Variants in TANC1 observed in about 807,000 individuals in gnomAD.
The protein encoded by TANC1 is protein TANC1.
TANC1 carries 77 observed loss-of-function variants against 149.7 expected under a neutral mutation model. The observed-to-expected ratio is 0.51, with a 90% CI of 0.43 to 0.62. The LOEUF is 0.62. Ranked by LOEUF, TANC1 falls within the 20% of genes least tolerant of loss-of-function variation. The probability of loss-of-function intolerance (pLI) is 0.00; values close to 1 mark genes in which losing one functional copy is unlikely to be tolerated. For synonymous variants in TANC1, 854 were observed against 925.0 expected (o/e 0.92, Z 1.39); for missense variants, 1,985 against 2,321.8 (o/e 0.85, Z 2.98).
Position 159,179,156 on chromosome 2 carries a change from G to A in TANC1, c.2503G>A (p.Glu835Lys). 1 of 1,609,734 alleles carries A rather than the reference G, an allele frequency of 6.2e-7. No homozygotes were observed. Among genetic ancestry groups the A allele is most frequent in the Non-Finnish European group, 8.5e-7 (1 of 1,177,500 alleles). The change falls in exon 14 of 27, where the codon GAG becomes AAG. Residue 835 changes from glutamate (E) to lysine (K), a missense_variant. By Grantham distance (56) the Glu-to-Lys change is moderately conservative (BLOSUM62 1). Coordinates refer to ENST00000263635, the MANE Select transcript of TANC1 (RefSeq NM_033394.3). ...CGGGGAAAACACGGCCTTCCTGTGT[G>A]AGCCCAGGTACGGCAGGCGCTTTCT... is the stretch of plus-strand genomic sequence containing the variant. ...ADGENTAFLC[E>K]PRNGHALLAF...
At position 159,096,279 on chromosome 2, in the gene TANC1, T is replaced by C. The variant is rs191178307; in HGVS notation, c.62-1358T>C. Among the ~76,000 whole-genome samples the C allele has an allele frequency of 1.8e-3, 263 of 146,822 alleles. 2 individuals are homozygous for C. Among genetic ancestry groups the C allele is most frequent in the African/African-American group, 6.3e-3 (248 of 39,650 alleles). ...GAGGAAAATGTGTTATCTGAATACA[T>C]GAGGACTGGCTGTATTTTTTTTTTT... On this transcript the variant is annotated intron_variant, in intron 3 of 26. Transcript: ENST00000263635.
chr2:159,135,303 A>G (rs2050552440), intron 4 of TANC1, among the ~76,000 whole-genome samples: 1 of 152,214 alleles, frequency 6.6e-6, no homozygotes, highest in Non-Finnish European at 1.5e-5. Flanking sequence ...CCAATAATCC[A>G]TTGTGTGGGC....
chr2:158,994,860 G>A (rs1470344341), intron 1 of TANC1, among the ~76,000 whole-genome samples: 1 of 152,198 alleles, frequency 6.6e-6, no homozygotes, highest in African/African-American at 2.4e-5. Flanking sequence ...AATAACTACT[G>A]TTTGGAGAAA....
intron 3 of TANC1, among the ~76,000 whole-genome samples, chr2:159,079,435 AAT>A (rs2044041627): frequency 7.1e-6 from 1 of 141,534 alleles, no homozygotes; most frequent in Non-Finnish European, 1.5e-5. Flanking sequence ...ATAGCTTATT[AAT>A]AGAGGTCAAA....
chr2:159,126,800 C>A (rs2049496987), intron 4 of TANC1, among the ~76,000 whole-genome samples: 1 of 152,240 alleles, frequency 6.6e-6, no homozygotes, highest in African/African-American at 2.4e-5. Context: ...TAGACTCTTG[C>A]CATCTTAACC....
At chr2:159,021,774 A>C (rs932420868) in intron 2 of TANC1, among the ~76,000 whole-genome samples, 4 of 152,234 alleles carry the variant, frequency 2.6e-5, no homozygotes, top group African/African-American at 9.6e-5. Flanking sequence ...TTTTTTTCTC[A>C]AACTTTCAGT....
At chr2:158,969,190 C>T (rs1372196645) in intron 1 of TANC1, among the ~76,000 whole-genome samples, 1 of 152,188 alleles carries the variant, frequency 6.6e-6, no homozygotes, top group Admixed American at 6.5e-5. Context: ...TCGGGCTTGG[C>T]AAGGGCCTGG....
Position 159,169,138 on chromosome 2 carries a change from A to C in TANC1, c.947-112A>C, listed in dbSNP as rs929029244. 2.5e-5 allele frequency: 18 copies of C among 727,830 alleles called. No homozygotes were observed. The African/African-American group carries it at 3.3e-4, about 13-fold the overall frequency. The allele number at this position is 727,830 out of a possible 1,614,324, so 45.1% of individuals were successfully genotyped here. ...ACAATATCAAAATGAAGTTTAAGTA[A>C]ATTTTGTTGAAAGCCTGAACTGAAT... On this transcript the variant is annotated intron_variant, in intron 8 of 26. Coordinates refer to ENST00000263635, the MANE Select transcript of TANC1 (RefSeq NM_033394.3).
chr2:159,117,686 G>A (rs1171766004), intron 4 of TANC1, among the ~76,000 whole-genome samples: 2 of 147,022 alleles, frequency 1.4e-5, no homozygotes, highest in Non-Finnish European at 3.0e-5. Context: ...GTGAGCCACC[G>A]TGCCCGGCCT....
At chr2:159,131,867 A>G (rs1437117659) in intron 4 of TANC1, among the ~76,000 whole-genome samples, 1 of 152,234 alleles carries the variant, frequency 6.6e-6, no homozygotes, top group African/African-American at 2.4e-5. Context: ...GCAGGAGAAC[A>G]GTTGTTTATA....
At chr2:159,142,641 C>G (rs1045743046) in intron 5 of TANC1, among the ~76,000 whole-genome samples, 2 of 152,064 alleles carry the variant, frequency 1.3e-5, no homozygotes, top group African/African-American at 4.8e-5. Flanking sequence ...GCAAGCTGAA[C>G]TCGCTACTTT....
chr2:159,170,486 A>T (rs1575075288), intron 9 of TANC1, 38 bp from the exon 10 acceptor site: 1 of 1,542,524 alleles, frequency 6.5e-7, no homozygotes, highest in Non-Finnish European at 8.8e-7. Context: ...TTATAAAATT[A>T]TGACATTTTT....
intron 4 of TANC1, among the ~76,000 whole-genome samples, chr2:159,109,124 C>A (rs1207438069): frequency 6.6e-6 from 1 of 152,172 alleles, no homozygotes; most frequent in Non-Finnish European, 1.5e-5. Flanking sequence ...GTTCACCACC[C>A]TAAATCCAGA....
At chr2:159,196,893 T>C in intron 18 of TANC1, 100 bp downstream of exon 18, 1 of 1,207,324 alleles carries the variant, frequency 8.3e-7, no homozygotes, top group African/African-American at 1.5e-5. Flanking sequence ...TGCCAAGAAC[T>C]AGCATTTGGC....
At chr2:159,010,793 C>G (rs2037681839) in intron 2 of TANC1, among the ~76,000 whole-genome samples, 1 of 150,270 alleles carries the variant, frequency 6.7e-6, no homozygotes, top group South Asian at 2.1e-4. Context: ...ATCACTCATT[C>G]ACACTGGATC....
At chr2:159,044,268 C>A (rs763771327) in intron 2 of TANC1, among the ~76,000 whole-genome samples, 38 of 151,882 alleles carry the variant, frequency 2.5e-4, no homozygotes, top group Non-Finnish European at 4.7e-4. Flanking sequence ...TCTACCAAAC[C>A]AAACAGAACA....
At chr2:159,150,841 C>T (rs1012902428) in intron 7 of TANC1, 4 of 328,984 alleles carry the variant, frequency 1.2e-5, no homozygotes, top group Non-Finnish European at 2.2e-5. Context: ...CATTGCTCTT[C>T]TATATTCAGT....
intron 3 of TANC1, among the ~76,000 whole-genome samples, chr2:159,087,889 T>C (rs1272327681): frequency 6.8e-6 from 1 of 148,088 alleles, no homozygotes; most frequent in Non-Finnish European, 1.5e-5. Context: ...CTGTTGTCCT[T>C]AGGAGACACA....
chr2:159,139,495 TA>T (rs2051128992), intron 5 of TANC1, among the ~76,000 whole-genome samples: 1 of 152,150 alleles, frequency 6.6e-6, no homozygotes, highest in Non-Finnish European at 1.5e-5. Context: ...ATATCTGCGT[TA>T]AGGGAAAAAA....
Sources: gnomAD v4.1 joint callset for allele counts (sites outside exome capture counted in the v4.1 genomes callset) on GRCh38, gnomAD v4.1.1 for gene constraint, MANE v1.5 for transcripts, NCBI Gene and HGNC (gene_info 2026-07-23, HGNC 2026-07-21) for gene names.